ODAD2: variants seen among roughly 807,000 people sequenced by gnomAD.
The protein encoded by ODAD2 is outer dynein arm-docking complex subunit 2.
A neutral mutation model predicts 106.8 loss-of-function variants in ODAD2; 89 were observed. That is an observed-to-expected ratio of 0.83 (90% CI 0.70 to 0.99). The LOEUF (loss-of-function observed/expected upper bound fraction) is 0.99. Ranked by LOEUF, ODAD2 falls within the 50% of genes least tolerant of loss-of-function variation. The pLI is 0.00. For synonymous variants in ODAD2, 404 were observed against 436.2 expected (o/e 0.93, Z 0.92); for missense variants, 1,168 against 1,238.5 (o/e 0.94, Z 0.85).
At chr10:27,923,048 C>A (rs763489219) in intron 16 of ODAD2, among the ~76,000 whole-genome samples, 5 of 151,960 alleles carry the variant, frequency 3.3e-5, no homozygotes, top group Non-Finnish European at 7.4e-5. Flanking sequence ...AAATGCAAAC[C>A]TTTCTAAAGA....
rs564123904 is a variant in ODAD2 at position 27,884,348 on chromosome 10, C to A, written c.2611-21726G>T. ...TTTATAAAAGCTTTGAAAATCAGCT[C>A]AGATATCTAAAGAAAATGCCAAACC... On this transcript the variant is annotated intron_variant, in intron 17 of 19. Transcript: ENST00000305242. 3.9e-5 allele frequency among the ~76,000 whole-genome samples: 6 copies of A among 152,218 alleles called. No individual in the cohort carries two copies. The South Asian group carries it at 1.2e-3, about 32-fold the overall frequency.
chr10:27,936,587 C>CT, intron 15 of ODAD2, 139 bp downstream of exon 15: 1 of 1,005,296 alleles, frequency 9.9e-7, no homozygotes, highest in South Asian at 1.5e-5. Flanking sequence ...CTAAGAATCC[C>CT]TTCATTGGGC....
intron 1 of ODAD2, among the ~76,000 whole-genome samples, chr10:27,998,532 T>G (rs921265925): frequency 1.4e-5 from 2 of 141,522 alleles, no homozygotes; most frequent in African/African-American, 2.7e-5. Context: ...ATCCGGGAGG[T>G]GATGGGGCCG....
intron 2 of ODAD2, among the ~76,000 whole-genome samples, chr10:27,987,764 C>G (rs533663222): frequency 1.4e-4 from 21 of 151,756 alleles, no homozygotes; most frequent in African/African-American, 4.6e-4. Context: ...AGGATATAAC[C>G]AAGGAAGAAT....
intron 10 of ODAD2, among the ~76,000 whole-genome samples, chr10:27,946,042 T>C (rs1846893827): frequency 6.7e-6 from 1 of 149,580 alleles, no homozygotes; most frequent in Non-Finnish European, 1.5e-5. Context: ...ACAAATAGAT[T>C]ATATATATAA....
At position 27,934,012 on chromosome 10, in the gene ODAD2, G is replaced by GGGGCA. The variant is rs1274995443; in HGVS notation, c.2495+993_2495+997dup. Among the ~76,000 whole-genome samples the GGGGCA allele has an allele frequency of 2.6e-5, 4 of 152,150 alleles. No individual in the cohort carries two copies. In the East Asian group the frequency reaches 7.7e-4, roughly 29 times the overall value. ...CCCGGTGGGAGTTAATTGAATCATG[G>GGGGCA]GGGCAGGTCTTTCCCATGCTGTTCT... On this transcript the variant is annotated intron_variant, in intron 16 of 19. Transcript: ENST00000305242.
intron 17 of ODAD2, among the ~76,000 whole-genome samples, chr10:27,871,082 G>A (rs1840839426): frequency 6.6e-6 from 1 of 152,150 alleles, no homozygotes; most frequent in African/African-American, 2.4e-5. Context: ...TTGTGGTTTT[G>A]ATTTGTACTT....
chr10:27,864,446 C>G (rs960482797), intron 17 of ODAD2, among the ~76,000 whole-genome samples: 1 of 148,064 alleles, frequency 6.8e-6, no homozygotes, highest in Non-Finnish European at 1.5e-5. Flanking sequence ...ATTTGGAATT[C>G]ATCAGAATAA....
At chr10:27,872,566 G>A (rs1002019401) in intron 17 of ODAD2, among the ~76,000 whole-genome samples, 19 of 152,174 alleles carry the variant, frequency 1.2e-4, no homozygotes, top group Non-Finnish European at 2.1e-4. Context: ...TTAGCATGAA[G>A]TGCTGTTGAA....
chr10:27,950,084 G>C (rs1219911826), intron 10 of ODAD2, among the ~76,000 whole-genome samples: 1 of 152,170 alleles, frequency 6.6e-6, no homozygotes, highest in African/African-American at 2.4e-5. Flanking sequence ...TCAAGAAGCA[G>C]CCGGTGAGAC....
intron 17 of ODAD2, among the ~76,000 whole-genome samples, chr10:27,884,501 G>A (rs545189500): frequency 7.2e-5 from 11 of 152,092 alleles, no homozygotes; most frequent in Non-Finnish European, 1.3e-4. Flanking sequence ...TCCTTCAGCC[G>A]GAAGGACCAA....
intron 19 of ODAD2, among the ~76,000 whole-genome samples, chr10:27,825,793 G>A (rs915718597): frequency 1.2e-4 from 19 of 152,182 alleles, no homozygotes; most frequent in Admixed American, 1.1e-3. Context: ...TTTGCCTAGG[G>A]CATGGAAAGC....
intron 16 of ODAD2, among the ~76,000 whole-genome samples, chr10:27,930,452 T>C (rs1438037173): frequency 1.3e-5 from 2 of 151,946 alleles, no homozygotes; most frequent in Non-Finnish European, 2.9e-5. Context: ...CATTCAAGGC[T>C]GCAGTGAACA....
intron 16 of ODAD2, among the ~76,000 whole-genome samples, chr10:27,931,983 C>T (rs1463475710): frequency 6.6e-6 from 1 of 151,936 alleles, no homozygotes; most frequent in Admixed American, 6.6e-5. Context: ...CTTAGACTAG[C>T]CCACCTTAAA....
chr10:27,963,057 T>C (rs1207962043), intron 9 of ODAD2, among the ~76,000 whole-genome samples: 1 of 151,774 alleles, frequency 6.6e-6, no homozygotes, highest in Admixed American at 6.6e-5. Context: ...ACCCAGGCTG[T>C]AGTGCAGTGG....
intron 19 of ODAD2, among the ~76,000 whole-genome samples, chr10:27,842,379 T>A (rs1447559348): frequency 6.6e-6 from 1 of 152,198 alleles, no homozygotes; most frequent in Non-Finnish European, 1.5e-5. Context: ...TTGTGAAGAA[T>A]GTCATTTTCT....
chr10:27,992,880 T>C (rs1311360940), intron 2 of ODAD2, among the ~76,000 whole-genome samples: 1 of 152,156 alleles, frequency 6.6e-6, no homozygotes, highest in Non-Finnish European at 1.5e-5. Flanking sequence ...AATCATGATA[T>C]TCTTTTCTGT....
At chr10:27,976,403 G>A (rs1849189078) in intron 7 of ODAD2, among the ~76,000 whole-genome samples, 1 of 152,028 alleles carries the variant, frequency 6.6e-6, no homozygotes, top group Admixed American at 6.6e-5. Flanking sequence ...AGGGAGTTTA[G>A]CAAAATTTCA....
At chr10:27,995,743 G>A (rs1186165725) in intron 1 of ODAD2, 1 of 152,480 alleles carries the variant, frequency 6.6e-6, no homozygotes, top group African/African-American at 2.4e-5. Flanking sequence ...AAAAGAAATA[G>A]AATAAGAACA....
Sources: allele counts gnomAD v4.1 joint callset (sites outside exome capture counted in the v4.1 genomes callset), GRCh38; gene constraint gnomAD v4.1.1; transcripts MANE v1.5; gene names NCBI Gene and HGNC (gene_info 2026-07-23, HGNC 2026-07-21).